Variants in COL7A1 observed in about 807,000 individuals in gnomAD.
The protein encoded by COL7A1 is collagen alpha-1(VII) chain.
COL7A1 carries 296 observed loss-of-function variants against 456.2 expected under a neutral mutation model. That is an observed-to-expected ratio of 0.65 (90% CI 0.59 to 0.71). The LOEUF is 0.71. Ranked by LOEUF, COL7A1 falls within the 30% of genes least tolerant of loss-of-function variation. The pLI is 0.00. For synonymous variants in COL7A1, 1,464 were observed against 1,525.9 expected, an observed-to-expected ratio of 0.96 and a Z score of 0.95; for missense variants, 3,441 against 4,017.2, an observed-to-expected ratio of 0.86 and a Z score of 3.88.
chr3:48,575,053 G>A lies in COL7A1; in HGVS notation c.6279+11C>T. 1 of 1,610,844 alleles carries A rather than the reference G, an allele frequency of 6.2e-7. No individual in the cohort carries two copies. Among genetic ancestry groups the A allele is most frequent in the East Asian group, 2.2e-5 (1 of 44,844 alleles). On this transcript the variant is annotated intron_variant, in intron 76 of 118. Transcript: ENST00000681320. The surrounding 1 kb of genome is among the most constrained non-coding windows in gnomAD (Gnocchi z 6.3). ...CTAGTCACAGGACTAAGGCAGGGAT[G>A]GGGTGATCACCTTGGGGCCAGGGGG...
At position 48,590,328 on chromosome 3, in the gene COL7A1, T is replaced by C. The variant is rs1428427951; in HGVS notation, c.1935A>G (p.Pro645=). The C allele has an allele frequency of 6.2e-7, 1 of 1,614,042 alleles. No individual in the cohort carries two copies. The highest frequency in any genetic ancestry group is 8.5e-7 in the Non-Finnish European group (1 of 1,180,004). Residue 645 remains proline (P), a synonymous_variant, in exon 16 of 119, where the codon CCA becomes CCG. Coordinates refer to ENST00000681320, the MANE Select transcript of COL7A1 (RefSeq NM_000094.4). This position sits in a 1 kb window ranked among gnomAD's most constrained non-coding sequence, Gnocchi z 4.6. The part of the protein sequence containing the change: ...SGPESSQTLP[P]DSTATDITGL... ...CTGTGATGTCTGTGGCAGTAGAGTC[T>C]GGGGGCAGTGTCTGGCTGGACTCCG...
Position 48,572,033 on chromosome 3 carries a change from G to A in COL7A1, c.7036C>T (p.Arg2346Cys), listed in dbSNP as rs145729761. The A allele has an allele frequency of 8.1e-5, 131 of 1,612,834 alleles. No individual in the cohort carries two copies. The highest frequency in any genetic ancestry group is 1.1e-4 in the Non-Finnish European group (126 of 1,179,572). The change falls in exon 92 of 119, where the codon CGT (arginine) becomes TGT (cysteine). Residue 2346 changes from arginine (R) to cysteine (C), a missense_variant. Around this residue, in one of 3 missense-constraint regions of COL7A1, gnomAD observed 2,084 missense variants for 2,501.3 expected, o/e 0.83. Coordinates refer to ENST00000681320, the MANE Select transcript of COL7A1 (RefSeq NM_000094.4). This position sits in a 1 kb window ranked among gnomAD's most constrained non-coding sequence, Gnocchi z 4.6. ...GPRGEKGEAG[R>C]AGEPGDPGED... ...CCAGGGTCTCCGGGCTCCCCTGCAC[G>A]GCCAGCTTCACCCTGCACAGAATGG...
In COL7A1 at chr3:48,580,620, T is replaced by C; in HGVS notation, c.5013A>G (p.Glu1671=). Residue 1671 remains glutamate (E), a synonymous_variant, in exon 55 of 119, where the codon GAA becomes GAG. Coordinates refer to ENST00000681320, the MANE Select transcript of COL7A1 (RefSeq NM_000094.4). This position sits in a 1 kb window ranked among gnomAD's most constrained non-coding sequence, Gnocchi z 4.5. ...CTCCAGGATCTCCCTGGTCTCCCTT[T>C]TCACCCACAGGCCCCCGAACTCCAG... ...GAPGVRGPVG[E]KGDQGDPGED... is the part of the protein sequence containing the mutation. 2 of 1,613,852 alleles carry C rather than the reference T, an allele frequency of 1.2e-6. No individual in the cohort carries two copies. The highest frequency in any genetic ancestry group is 2.7e-5 in the African/African-American group (2 of 74,910).
Position 48,590,803 on chromosome 3 carries a change from G to T in COL7A1, c.1650C>A (p.Thr550=). 6.2e-7 allele frequency: 1 copy of T among 1,613,592 alleles called. No homozygotes were observed. Among genetic ancestry groups the T allele is most frequent in the Non-Finnish European group, 8.5e-7 (1 of 1,180,020 alleles). The change falls in exon 14 of 119, where the codon ACC becomes ACA. Residue 550 remains threonine, a synonymous_variant. Coordinates refer to ENST00000681320, the MANE Select transcript of COL7A1 (RefSeq NM_000094.4). The surrounding 1 kb of genome is among the most constrained non-coding windows in gnomAD (Gnocchi z 4.6). ...CTGTCTGACTCCCAGGAAGCACCAG[G>T]GTCCGCTCAACCCCTAAGAGAGAAG... is the stretch of plus-strand genomic sequence containing the variant. ...IVRSTQGVER[T]LVLPGSQTAF...
chr3:48,568,637 G>A lies in COL7A1; in HGVS notation c.7759-103C>T. On this transcript the variant is annotated intron_variant, in intron 104 of 118. Coordinates refer to ENST00000681320, the MANE Select transcript of COL7A1 (RefSeq NM_000094.4). This position sits in a 1 kb window ranked among gnomAD's most constrained non-coding sequence, Gnocchi z 5.2. ...TCAGATGCTCAGCGGCCAGGGCCCA[G>A]GCCACACACAGATCCCGGGTGAACA... The A allele has an allele frequency of 6.7e-7, 1 of 1,499,212 alleles. No individual in the cohort carries two copies. Among genetic ancestry groups the A allele is most frequent in the East Asian group, 2.5e-5 (1 of 40,768 alleles). The allele number at this position is 1,499,212 out of a possible 1,614,324, so 92.9% of individuals were successfully genotyped here.
In COL7A1 at chr3:48,575,086, G is replaced by A. The variant is rs958623536; in HGVS notation, c.6257C>T (p.Pro2086Leu). ...GPPGLPGTPGPPGPPGPKVSV... is the reference protein window; with the variant it reads ...GPPGLPGTPGLPGPPGPKVSV... ...CACCTTGGGGCCAGGGGGTCCGGGG[G>A]GCCCAGGGGTTCCAGGGAGTCCAGG... The change falls in exon 76 of 119, where the codon CCC (proline) becomes CTC (leucine). Residue 2086 changes from proline (P) to leucine (L), a missense_variant. By Grantham distance (98) the Pro-to-Leu change is moderately conservative. This residue lies in a region of COL7A1 where 2,084 missense variants were observed against 2,501.3 expected (regional missense o/e 0.83). Transcript: ENST00000681320. This position sits in a 1 kb window ranked among gnomAD's most constrained non-coding sequence, Gnocchi z 6.3. 7.4e-6 allele frequency: 12 copies of A among 1,613,598 alleles called. No individual in the cohort carries two copies. The Middle Eastern group carries it at 8.3e-4, about 111-fold the overall frequency.
Position 48,579,874 on chromosome 3 carries a change from G to A in COL7A1, c.5125-60C>T. 1 of 1,612,954 alleles carries A rather than the reference G, an allele frequency of 6.2e-7. No homozygotes were observed. The highest frequency in any genetic ancestry group is 8.5e-7 in the Non-Finnish European group (1 of 1,179,076). On this transcript the variant is annotated intron_variant, in intron 57 of 118. Transcript: ENST00000681320. This position sits in a 1 kb window ranked among gnomAD's most constrained non-coding sequence, Gnocchi z 4.4. ...AACAAGGGGAAGAGGAGTTGGCGAGGGGATACAGGGTCTGTGAGGGGCTCC... is the reference window on the plus strand; with the variant it reads ...AACAAGGGGAAGAGGAGTTGGCGAGAGGATACAGGGTCTGTGAGGGGCTCC...
In COL7A1 at chr3:48,587,905, C is replaced by T; in HGVS notation, c.2745G>A (p.Glu915=). The stretch of plus-strand genomic sequence containing the variant: ...GCCCGTCCAGGTGATAGCTGCTGAG[C>T]TCGGGCCCCAGGACCCGGGACTGTT... The part of the protein sequence containing the change: ...GQEQSRVLGP[E]LSSYHLDGLE... The change falls in exon 22 of 119, where the codon GAG becomes GAA. Residue 915 remains glutamate, a synonymous_variant. Transcript: ENST00000681320. This position sits in a 1 kb window ranked among gnomAD's most constrained non-coding sequence, Gnocchi z 6.1. 6.2e-7 allele frequency: 1 copy of T among 1,606,562 alleles called. No individual in the cohort carries two copies. Among genetic ancestry groups the T allele is most frequent in the Non-Finnish European group, 8.5e-7 (1 of 1,176,934 alleles).
rs759475299 is a variant in COL7A1 at position 48,575,861 on chromosome 3, A to T, written c.5856+6T>A. 2 of 1,613,888 alleles carry T rather than the reference A, an allele frequency of 1.2e-6. No individual in the cohort carries two copies. Among genetic ancestry groups the T allele is most frequent in the Admixed American group, 1.7e-5 (1 of 60,004 alleles). On this transcript the variant is annotated splice_donor_region_variant and intron_variant, in intron 72 of 118. Coordinates refer to ENST00000681320, the MANE Select transcript of COL7A1 (RefSeq NM_000094.4). This position sits in a 1 kb window ranked among gnomAD's most constrained non-coding sequence, Gnocchi z 6.3. ...TGTCCCTACCCCCAGCCCCTAAACA[A>T]CCCACCTTGATGCCAGCAGTTTCCA...
chr3:48,571,359 G>A lies in COL7A1; in HGVS notation c.7069-81C>T. On this transcript the variant is annotated intron_variant, in intron 92 of 118. Transcript: ENST00000681320. The surrounding 1 kb of genome is among the most constrained non-coding windows in gnomAD (Gnocchi z 4.6). The stretch of plus-strand genomic sequence containing the variant: ...AGACACGGGCTGAAAATATTCCCAG[G>A]GGAGTTCTGATGTGACCATGAACAC... 1 of 1,563,886 alleles carries A rather than the reference G, an allele frequency of 6.4e-7. No individual in the cohort carries two copies. The highest frequency in any genetic ancestry group is 2.2e-5 in the East Asian group (1 of 44,446).
rs78877179 is a variant in COL7A1, at chr3:48,592,803, C to A, written c.818G>T (p.Gly273Val). 6.2e-7 allele frequency: 1 copy of A among 1,613,792 alleles called. No homozygotes were observed. Among genetic ancestry groups the A allele is most frequent in the South Asian group, 1.1e-5 (1 of 91,092 alleles). Residue 273 changes from glycine (G) to valine (V), a missense_variant, in exon 7 of 119, where the codon GGA becomes GTA. Transcript: ENST00000681320. The surrounding 1 kb of genome is among the most constrained non-coding windows in gnomAD (Gnocchi z 7.6). ...KVQYTPLTGLGQPLPSERQEV... is the reference protein window; with the variant it reads ...KVQYTPLTGLVQPLPSERQEV... ...CTGCCGCTCACTCGGCAGTGGCTGTCCCAGCCCCGTCAGAGGAGTGTACTG... is the reference window on the plus strand; with the variant it reads ...CTGCCGCTCACTCGGCAGTGGCTGTACCAGCCCCGTCAGAGGAGTGTACTG...
rs774827245 is a variant in COL7A1 at position 48,593,713 on chromosome 3, G to T, written c.267-17C>A. On this transcript the variant is annotated splice_polypyrimidine_tract_variant and intron_variant, in intron 3 of 118. Transcript: ENST00000681320. This position sits in a 1 kb window ranked among gnomAD's most constrained non-coding sequence, Gnocchi z 4.4. ...AACTCTGTCCTGTTGGAGGGTAGGG[G>T]TGGCAACAGGCTAGGACTCAGGATC... 6.2e-7 allele frequency: 1 copy of T among 1,614,218 alleles called. No homozygotes were observed. The highest frequency in any genetic ancestry group is 1.7e-5 in the Admixed American group (1 of 60,036).
chr3:48,582,751 G>A (rs985607872), intron 44 of COL7A1, 98 bp from the exon 45 acceptor site: 3 of 1,352,642 alleles, frequency 2.2e-6, no homozygotes, highest in African/African-American at 2.9e-5. Flanking sequence ...GAGGGGTCAG[G>A]GAAGATTGGG....
rs1467949571 is a variant in COL7A1, at chr3:48,583,783, AG to A, written c.4279-4del. The A allele has an allele frequency of 5.6e-6, 9 of 1,613,620 alleles. No individual in the cohort carries two copies. Among genetic ancestry groups the A allele is most frequent in the African/African-American group, 1.3e-5 (1 of 74,860 alleles). The stretch of plus-strand genomic sequence containing the variant: ...GGTCCAGGGCTTCCGGGAAGACCCT[AG>A]GAAGAAGTGAGTAAAAATATGAGCC... On this transcript the variant is annotated splice_region_variant and splice_polypyrimidine_tract_variant and intron_variant, in intron 39 of 118. Transcript: ENST00000681320. The surrounding 1 kb of genome is among the most constrained non-coding windows in gnomAD (Gnocchi z 5.1).
Position 48,593,510 on chromosome 3 carries a change from G to A in COL7A1, c.426+27C>T. 6.2e-7 allele frequency: 1 copy of A among 1,614,126 alleles called. No homozygotes were observed. Among genetic ancestry groups the A allele is most frequent in the Non-Finnish European group, 8.5e-7 (1 of 1,180,026 alleles). ...TGGACACTTCATTTGGGGTCATCTTGGGAGGCATGGTAGGGGTAGGGATCA... is the reference window on the plus strand; with the variant it reads ...TGGACACTTCATTTGGGGTCATCTTAGGAGGCATGGTAGGGGTAGGGATCA... On this transcript the variant is annotated intron_variant, in intron 4 of 118. Coordinates refer to ENST00000681320, the MANE Select transcript of COL7A1 (RefSeq NM_000094.4). The surrounding 1 kb of genome is among the most constrained non-coding windows in gnomAD (Gnocchi z 4.4).
At position 48,574,932 on chromosome 3, in the gene COL7A1, C is replaced by A. The variant is rs1038497751; in HGVS notation, c.6280-67G>T. 6.3e-7 allele frequency: 1 copy of A among 1,596,980 alleles called. No individual in the cohort carries two copies. Among genetic ancestry groups the A allele is most frequent in the African/African-American group, 1.3e-5 (1 of 74,440 alleles). On this transcript the variant is annotated intron_variant, in intron 76 of 118. Coordinates refer to ENST00000681320, the MANE Select transcript of COL7A1 (RefSeq NM_000094.4). This position sits in a 1 kb window ranked among gnomAD's most constrained non-coding sequence, Gnocchi z 5.0. ...GAGGCATGGGGGAGTCATCACAGATCTCAGGATCACAGAGGGTTATAGGGT... is the reference window on the plus strand; with the variant it reads ...GAGGCATGGGGGAGTCATCACAGATATCAGGATCACAGAGGGTTATAGGGT...
Position 48,580,447 on chromosome 3 carries a change from C to G in COL7A1, c.5053-103G>C. The G allele has an allele frequency of 1.3e-6, 2 of 1,484,372 alleles. No homozygotes were observed. Among genetic ancestry groups the G allele is most frequent in the Non-Finnish European group, 1.9e-6 (2 of 1,077,102 alleles). The allele number at this position is 1,484,372 out of a possible 1,614,324, so 92.0% of individuals were successfully genotyped here. A position where few individuals can be genotyped will look rare whatever the true frequency, so the allele number is the denominator to read the frequency against. On this transcript the variant is annotated intron_variant, in intron 55 of 118. Transcript: ENST00000681320. This position sits in a 1 kb window ranked among gnomAD's most constrained non-coding sequence, Gnocchi z 4.5. ...TGGGAATGTTGGTAGCCTTCAGATG[C>G]GTGTGTGCAGGGGTCAAAGGAAGTG...
At chr3:48,576,501 C>T (rs781248735) in intron 69 of COL7A1, 21 bp downstream of exon 69, 7 of 1,612,290 alleles carry the variant, frequency 4.3e-6, no homozygotes, top group Non-Finnish European at 2.5e-6. Flanking sequence ...ACCACGCCCC[C>T]TACCCAACAT....
chr3:48,565,054 G>C lies in COL7A1; in HGVS notation c.8620+55C>G, dbSNP rs2043539926. 1 of 1,608,574 alleles carries C rather than the reference G, an allele frequency of 6.2e-7. No homozygotes were observed. Among genetic ancestry groups the C allele is most frequent in the Non-Finnish European group, 8.5e-7 (1 of 1,177,370 alleles). On this transcript the variant is annotated intron_variant, in intron 117 of 118. Transcript: ENST00000681320. The surrounding 1 kb of genome is among the most constrained non-coding windows in gnomAD (Gnocchi z 4.5). ...TTGAAAGGTCAGGGGGAGGTCAGCA[G>C]GGCTCAGCCCTGCCTGCCCCTCCCC...
Sources: allele counts gnomAD v4.1 joint callset, GRCh38; gene constraint gnomAD v4.1.1; regional missense constraint gnomAD v4.1.1; non-coding constraint Gnocchi (gnomAD v3.1); transcripts MANE v1.5; gene names NCBI Gene and HGNC (gene_info 2026-07-23, HGNC 2026-07-21).